The following MECOM variants were observed in gnomAD, a reference collection of about 807,000 sequenced individuals.
MECOM encodes MDS1 and EVI1 complex locus.
A neutral mutation model predicts 116.3 loss-of-function variants in MECOM; 13 were observed. That is an observed-to-expected ratio of 0.11 (90% CI 0.07 to 0.18). The LOEUF (loss-of-function observed/expected upper bound fraction) is 0.18, where lower values mean the gene tolerates loss of function less well. MECOM is among the 10% of genes least tolerant of loss of function. The pLI is 1.00. For synonymous variants in MECOM, 528 were observed against 535.2 expected, an observed-to-expected ratio of 0.99 and a Z score of 0.19; for missense variants, 1,299 against 1,509.0, an observed-to-expected ratio of 0.86 and a Z score of 2.31.
intron 1 of MECOM, among the ~76,000 whole-genome samples, chr3:169,659,521 A>T (rs1230600626): frequency 3.6e-5 from 5 of 140,448 alleles, no homozygotes; most frequent in African/African-American, 1.4e-4. Context: ...CAAGTGCCAA[A>T]TGCAATAAAG....
chr3:169,168,944 G>T (rs114893490), intron 2 of MECOM, among the ~76,000 whole-genome samples: 2,166 of 151,750 alleles, frequency 0.014, 33 homozygotes, highest in Non-Finnish European at 0.021. Flanking sequence ...AAATAGAATA[G>T]ATTGTTATAG....
rs1234201261 is a variant in MECOM, at chr3:169,381,329, G to A, written c.233C>T (p.Ala78Val). Reference protein sequence around the residue: ...IYIPDDIPIPAEFELRESNMP... With the variant: ...IYIPDDIPIPVEFELRESNMP... ...ATTTGACTCTCGAAGTTCAAACTCA[G>A]CAGGAATGGGGATATCATCAGGGAT... Residue 78 changes from alanine to valine, a missense_variant, in exon 2 of 17, where the codon GCT (alanine) becomes GTT (valine). Ala to Val is a moderately conservative substitution (Grantham distance 64). This residue lies in a region of MECOM where 374 missense variants were observed against 433.4 expected (regional missense o/e 0.86). Transcript: ENST00000651503. 1.2e-6 allele frequency: 2 copies of A among 1,613,700 alleles called. No individual in the cohort carries two copies. Among genetic ancestry groups the A allele is most frequent in the South Asian group, 1.1e-5 (1 of 91,082 alleles).
chr3:169,351,530 C>A (rs764903170), intron 2 of MECOM, among the ~76,000 whole-genome samples: 3 of 151,668 alleles, frequency 2.0e-5, no homozygotes, highest in Non-Finnish European at 4.4e-5. Context: ...CCAGTTAATA[C>A]CTAAAATGAA....
chr3:169,242,072 G>T (rs1054162534), intron 2 of MECOM, among the ~76,000 whole-genome samples: 5 of 152,204 alleles, frequency 3.3e-5, no homozygotes, highest in African/African-American at 1.2e-4. Context: ...TATGTCACCA[G>T]CTAACTAAAG....
chr3:169,377,066 A>T (rs1406048627), intron 2 of MECOM, among the ~76,000 whole-genome samples: 12 of 152,194 alleles, frequency 7.9e-5, no homozygotes, highest in African/African-American at 2.9e-4. Flanking sequence ...TGATAAAAAC[A>T]AGAAATGGGG....
chr3:169,309,322 T>C (rs781189439), intron 2 of MECOM, among the ~76,000 whole-genome samples: 1 of 152,230 alleles, frequency 6.6e-6, no homozygotes, highest in Non-Finnish European at 1.5e-5. Context: ...TATGCAAATG[T>C]ATATTTGCAT....
chr3:169,659,544 C>T (rs1340776349), intron 1 of MECOM, among the ~76,000 whole-genome samples: 1 of 143,368 alleles, frequency 7.0e-6, no homozygotes, highest in Non-Finnish European at 1.5e-5. Flanking sequence ...GCCCTAAGCC[C>T]GGGTAATGGT....
intron 2 of MECOM, among the ~76,000 whole-genome samples, chr3:169,322,991 C>A (rs1040291605): frequency 1.7e-4 from 16 of 96,732 alleles, no homozygotes; most frequent in African/African-American, 6.1e-4. Flanking sequence ...CAGAGCAAGA[C>A]TCCGGTAAAA....
At chr3:169,594,176 A>AAAAAAAAAAAAAAAAAAC (rs1553894631) in intron 1 of MECOM, among the ~76,000 whole-genome samples, 17 of 139,730 alleles carry the variant, frequency 1.2e-4, no homozygotes, top group African/African-American at 2.8e-4. Flanking sequence ...AAAAAAAAAA[A>AAAAAAAAAAAAAAAAAAC]CACCTTTTCA....
intron 1 of MECOM, among the ~76,000 whole-genome samples, chr3:169,439,322 A>G (rs1743219454): frequency 6.8e-6 from 1 of 147,794 alleles, no homozygotes; most frequent in African/African-American, 2.5e-5. Context: ...ATTAGTATCC[A>G]GAATATTAAT....
At chr3:169,565,173 C>CA (rs1263581147) in intron 1 of MECOM, among the ~76,000 whole-genome samples, 1 of 152,080 alleles carries the variant, frequency 6.6e-6, no homozygotes, top group African/African-American at 2.4e-5. Flanking sequence ...CTGAACTCCA[C>CA]GAGGGGAGAA....
intron 2 of MECOM, among the ~76,000 whole-genome samples, chr3:169,293,836 A>T (rs193202802): frequency 2.0e-5 from 3 of 152,342 alleles, no homozygotes; most frequent in Admixed American, 6.5e-5. Flanking sequence ...TGGGATTACC[A>T]GCCAGTGTGA....
At chr3:169,663,183 A>T (rs1776557762) in intron 1 of MECOM, among the ~76,000 whole-genome samples, 153 bp downstream of exon 1, 2 of 151,538 alleles carry the variant, frequency 1.3e-5, no homozygotes, top group Admixed American at 1.3e-4. Flanking sequence ...CAGAGACTGG[A>T]ACCGGCAGGT....
chr3:169,484,987 CTTAT>C (rs61274643), intron 1 of MECOM, among the ~76,000 whole-genome samples: 3,558 of 151,614 alleles, frequency 0.023, 109 homozygotes, highest in African/African-American at 0.071. Context: ...TTTACTCTTG[CTTAT>C]TTATTTATTT....
chr3:169,173,911 A>G (rs1033971872), intron 2 of MECOM, among the ~76,000 whole-genome samples: 1 of 152,170 alleles, frequency 6.6e-6, no homozygotes, highest in Non-Finnish European at 1.5e-5. Context: ...GTTACTTTCT[A>G]TGTAATACTT....
intron 3 of MECOM, among the ~76,000 whole-genome samples, chr3:169,136,658 G>A (rs1297154358): frequency 6.6e-6 from 1 of 151,990 alleles, no homozygotes; most frequent in African/African-American, 2.4e-5. Flanking sequence ...ATGGTAATCA[G>A]GTGGGTCTTG....
intron 2 of MECOM, among the ~76,000 whole-genome samples, chr3:169,266,867 T>C (rs1758372564): frequency 6.6e-6 from 1 of 151,538 alleles, no homozygotes. Flanking sequence ...CAGGTCATTA[T>C]AGGGAAAGAG....
chr3:169,210,674 T>C (rs1750599640), intron 2 of MECOM, among the ~76,000 whole-genome samples: 1 of 152,158 alleles, frequency 6.6e-6, no homozygotes, highest in African/African-American at 2.4e-5. Context: ...CTGATAACTT[T>C]TGACAAATGT....
chr3:169,644,775 C>T (rs1296966206), intron 1 of MECOM, among the ~76,000 whole-genome samples: 2 of 152,134 alleles, frequency 1.3e-5, no homozygotes, highest in Non-Finnish European at 2.9e-5. Context: ...TTGAAATAAA[C>T]TGCAAAATCC....
Sources: allele counts gnomAD v4.1 joint callset (sites outside exome capture counted in the v4.1 genomes callset), GRCh38; gene constraint gnomAD v4.1.1; regional missense constraint gnomAD v4.1.1; transcripts MANE v1.5; gene names NCBI Gene and HGNC (gene_info 2026-07-23, HGNC 2026-07-21).